The following LRIG1 variants were observed in gnomAD, a reference collection of about 807,000 sequenced individuals.
The protein encoded by LRIG1 is leucine-rich repeats and immunoglobulin-like domains protein 1.
Under a neutral mutation model 99.2 loss-of-function variants are expected in LRIG1, and 48 were observed. The observed-to-expected ratio is 0.48, with a 90% confidence interval of 0.38 to 0.62. The LOEUF (loss-of-function observed/expected upper bound fraction) is 0.62. LRIG1 is among the 20% of genes least tolerant of loss of function. LRIG1 has a pLI of 0.00. For synonymous variants in LRIG1, 772 were observed against 596.1 expected, an observed-to-expected ratio of 1.29 and a Z score of -4.30; for missense variants, 1,646 against 1,434.4, an observed-to-expected ratio of 1.15 and a Z score of -2.38.
intron 3 of LRIG1, among the ~76,000 whole-genome samples, chr3:66,434,625 C>CA (rs1389547183): frequency 6.6e-6 from 1 of 151,872 alleles, no homozygotes; most frequent in Non-Finnish European, 1.5e-5. Context: ...CGTAAGCCTG[C>CA]AATCCCAGCT....
At chr3:66,461,655 T>C (rs1209245865) in intron 2 of LRIG1, among the ~76,000 whole-genome samples, 1 of 152,238 alleles carries the variant, frequency 6.6e-6, no homozygotes, top group African/African-American at 2.4e-5. Flanking sequence ...TTTTCATTCT[T>C]CACACGTTTC....
chr3:66,479,716 G>A (rs6777200), intron 1 of LRIG1, among the ~76,000 whole-genome samples: 6,724 of 152,248 alleles, frequency 0.044, 505 homozygotes, highest in African/African-American at 0.15. Flanking sequence ...AGTCATTATG[G>A]AAATGCAAAT....
rs1407546656 is a variant in LRIG1, at chr3:66,412,720, C to A, written c.791+151G>T. ...CACACGCGCACGCACACACACCCCA[C>A]ACCACACAGCAATGCTGGTGTGGGC... On this transcript the variant is annotated intron_variant, in intron 6 of 18. Transcript: ENST00000273261. 4 of 880,082 alleles carry A rather than the reference C, an allele frequency of 4.5e-6. No individual in the cohort carries two copies. In the African/African-American group the frequency reaches 5.0e-5, roughly 11 times the overall value. The allele number at this position is 880,082 out of a possible 1,614,324, so 54.5% of individuals were successfully genotyped here.
chr3:66,381,190 G>T (rs931227589), intron 17 of LRIG1, among the ~76,000 whole-genome samples: 1 of 152,190 alleles, frequency 6.6e-6, no homozygotes, highest in Non-Finnish European at 1.5e-5. Context: ...AATAGCCCTG[G>T]TGAAAAAGTG....
chr3:66,413,493 G>A (rs1443312080), intron 5 of LRIG1, among the ~76,000 whole-genome samples: 2 of 152,336 alleles, frequency 1.3e-5, no homozygotes, highest in African/African-American at 4.8e-5. Flanking sequence ...TCCACTGGGG[G>A]CATTTCACAG....
intron 8 of LRIG1, chr3:66,406,260 C>T: frequency 1.0e-6 from 1 of 985,400 alleles, no homozygotes; most frequent in Non-Finnish European, 1.2e-6. Flanking sequence ...TGGGTTCCTT[C>T]CTATCATCTG....
intron 1 of LRIG1, among the ~76,000 whole-genome samples, chr3:66,488,909 A>G (rs1449648809): frequency 6.6e-6 from 1 of 152,252 alleles, no homozygotes; most frequent in Non-Finnish European, 1.5e-5. Flanking sequence ...TGCTGCCTGC[A>G]GTGGCCCTGA....
At chr3:66,421,806 G>T (rs770496204) in intron 3 of LRIG1, among the ~76,000 whole-genome samples, 37 of 152,226 alleles carry the variant, frequency 2.4e-4, no homozygotes, top group Non-Finnish European at 4.9e-4. Flanking sequence ...CACTGCCCTA[G>T]CAGAGGTTCT....
rs529433467 is a variant in LRIG1 at position 66,419,933 on chromosome 3, C to A, written c.366-2667G>T. 7.9e-5 allele frequency among the ~76,000 whole-genome samples: 12 copies of A among 152,298 alleles called. No homozygotes were observed. The South Asian group carries it at 1.0e-3, about 13-fold the overall frequency. On this transcript the variant is annotated intron_variant, in intron 3 of 18. Transcript: ENST00000273261. ...CCATGCCCATGGGCTACTGACTAGA[C>A]CTTCCCTTCCATCCTTGCCCACTTA... is the stretch of plus-strand genomic sequence containing the variant.
intron 1 of LRIG1, among the ~76,000 whole-genome samples, chr3:66,462,743 G>A (rs970367319): frequency 3.1e-4 from 47 of 152,090 alleles, no homozygotes; most frequent in African/African-American, 1.1e-3. Context: ...ATTTCTATCA[G>A]TATCATTTCA....
At chr3:66,469,327 T>C (rs1419629750) in intron 1 of LRIG1, 4 of 152,254 alleles carry the variant, frequency 2.6e-5, no homozygotes, top group African/African-American at 4.8e-5. Flanking sequence ...TCACCAGTTA[T>C]TTCCATTTCT....
intron 3 of LRIG1, among the ~76,000 whole-genome samples, chr3:66,439,214 G>A (rs1703462848): frequency 6.6e-6 from 1 of 152,224 alleles, no homozygotes; most frequent in Non-Finnish European, 1.5e-5. Context: ...CCCAGCCCAC[G>A]AAGCCCATGC....
intron 1 of LRIG1, among the ~76,000 whole-genome samples, chr3:66,480,591 G>C (rs766709049): frequency 1.2e-4 from 18 of 152,056 alleles, no homozygotes; most frequent in Non-Finnish European, 2.4e-4. Context: ...CTACGTGCCA[G>C]GAGATAAATG....
At chr3:66,432,728 G>A (rs1246667374) in intron 3 of LRIG1, among the ~76,000 whole-genome samples, 1 of 152,122 alleles carries the variant, frequency 6.6e-6, no homozygotes, top group Non-Finnish European at 1.5e-5. Flanking sequence ...CCAGGGAAGC[G>A]GGCAGAAGAA....
intron 3 of LRIG1, among the ~76,000 whole-genome samples, chr3:66,450,230 T>A (rs1703858114): frequency 6.6e-6 from 1 of 152,128 alleles, no homozygotes; most frequent in Non-Finnish European, 1.5e-5. Context: ...GACTGACTCT[T>A]AAATCCTGCG....
intron 1 of LRIG1, among the ~76,000 whole-genome samples, chr3:66,481,270 C>A (rs2106895894): frequency 6.6e-6 from 1 of 152,324 alleles, no homozygotes; most frequent in East Asian, 1.9e-4. Context: ...AACTCTTTCA[C>A]CCAACATCAT....
chr3:66,414,220 A>AC (rs1192479720), intron 5 of LRIG1, among the ~76,000 whole-genome samples: 1 of 152,040 alleles, frequency 6.6e-6, no homozygotes, highest in Non-Finnish European at 1.5e-5. Context: ...ACAAGGTGAA[A>AC]CCCCATCTCT....
In LRIG1 at chr3:66,410,131, C is replaced by A. The variant is rs1170778238; in HGVS notation, c.933G>T (p.Glu311Asp). Residue 311 changes from glutamate to aspartate, a missense_variant and splice_region_variant, in exon 7 of 19, where the codon GAG (glutamate) becomes GAT (aspartate). Transcript: ENST00000273261. ...AGCCCAGAGCCGAGGACACTTACAACTCATGCAGCTTCTGGCAGAAGCTCC... is the reference window on the plus strand; with the variant it reads ...AGCCCAGAGCCGAGGACACTTACAAATCATGCAGCTTCTGGCAGAAGCTCC... ...KGWSFCQKLH[E>D]LVLSFNNLTR... 1 of 1,611,162 alleles carries A rather than the reference C, an allele frequency of 6.2e-7. No homozygotes were observed. The highest frequency in any genetic ancestry group is 2.2e-5 in the East Asian group (1 of 44,878).
rs138575838 is a variant in LRIG1 at position 66,380,490 on chromosome 3, C to T, written c.3056-1G>A. 6.2e-7 allele frequency: 1 copy of T among 1,614,170 alleles called. No homozygotes were observed. Among genetic ancestry groups the T allele is most frequent in the Non-Finnish European group, 8.5e-7 (1 of 1,180,004 alleles). On this transcript the variant is annotated splice_acceptor_variant, in intron 18 of 18. Coordinates refer to ENST00000273261, the MANE Select transcript of LRIG1 (RefSeq NM_015541.3). LOFTEE classifies it high-confidence loss of function. ...CTTGCTAAAGTCCAGGAAGAATCCC[C>T]TACAAGGAAAGAACGAACCTGTCAG...
Sources: gnomAD v4.1 joint callset for allele counts (sites outside exome capture counted in the v4.1 genomes callset) on GRCh38, gnomAD v4.1.1 for gene constraint, MANE v1.5 for transcripts, NCBI Gene and HGNC (gene_info 2026-07-23, HGNC 2026-07-21) for gene names.